The following KCNQ1 variants were observed in gnomAD, a reference collection of about 807,000 sequenced individuals.
KCNQ1 encodes the protein potassium voltage-gated channel subfamily KQT member 1.
KCNQ1 carries 49 observed loss-of-function variants against 72.4 expected under a neutral mutation model. The observed-to-expected ratio is 0.68, with a 90% CI of 0.54 to 0.86. KCNQ1 has a LOEUF of 0.86. Ranked by LOEUF, KCNQ1 falls within the 40% of genes least tolerant of loss-of-function variation. KCNQ1 has a pLI of 0.00. For missense variants in KCNQ1, 790 were observed against 945.1 expected, an observed-to-expected ratio of 0.84 and a Z score of 2.15; for synonymous variants, 450 against 412.6, an observed-to-expected ratio of 1.09 and a Z score of -1.10.
In KCNQ1 at chr11:2,817,693, C is replaced by T. The variant is rs562147549; in HGVS notation, c.1795-30074C>T. Among the ~76,000 whole-genome samples the T allele has an allele frequency of 6.6e-5, 10 of 152,234 alleles. No individual in the cohort carries two copies. The South Asian group carries it at 1.9e-3, about 28-fold the overall frequency. ...GGGGACTGTTAGCACAGACCTGAGC[C>T]GAGGCCCCCTTCTCACAGGGGCCTA... On this transcript the variant is annotated intron_variant, in intron 15 of 15. Transcript: ENST00000155840. The surrounding 1 kb of genome is among the most constrained non-coding windows in gnomAD (Gnocchi z 6.1).
chr11:2,454,224 G>A (rs965663000), intron 1 of KCNQ1, among the ~76,000 whole-genome samples: 1 of 152,114 alleles, frequency 6.6e-6, no homozygotes, highest in African/African-American at 2.4e-5. Context: ...AAGGGTGGCG[G>A]GGGGGGAGGT....
In KCNQ1 at chr11:2,659,943, C is replaced by T. The variant is rs1172230187; in HGVS notation, c.1394-2018C>T. On this transcript the variant is annotated intron_variant, in intron 10 of 15. Coordinates refer to ENST00000155840, the MANE Select transcript of KCNQ1 (RefSeq NM_000218.3). This position sits in a 1 kb window ranked among gnomAD's most constrained non-coding sequence, Gnocchi z 4.3. ...TCTTTATATATTCTGAGTGCAAGTC[C>T]TTGACCTGATAGGTGATATGCAAAT... 2.5e-6 allele frequency: 1 copy of T among 398,328 alleles called. No individual in the cohort carries two copies. Among genetic ancestry groups the T allele is most frequent in the Non-Finnish European group, 4.4e-6 (1 of 225,972 alleles). The allele number at this position is 398,328 out of a possible 1,614,324, so 24.7% of individuals were successfully genotyped here.
In KCNQ1 at chr11:2,473,580, T is replaced by A. The variant is rs1283319709; in HGVS notation, c.386+28096T>A. On this transcript the variant is annotated intron_variant, in intron 1 of 15. Transcript: ENST00000155840. This position sits in a 1 kb window ranked among gnomAD's most constrained non-coding sequence, Gnocchi z 6.0. Reference sequence around the variant, plus strand: ...TCAGCATGGCACAGACGCTCAGCCGTGTCATGTGGCTTGTAGAGCGAGGGT... The same window carrying A: ...TCAGCATGGCACAGACGCTCAGCCGAGTCATGTGGCTTGTAGAGCGAGGGT... Among the ~76,000 whole-genome samples, 1 of 152,190 alleles carries A rather than the reference T, an allele frequency of 6.6e-6. No individual in the cohort carries two copies. Among genetic ancestry groups the A allele is most frequent in the Non-Finnish European group, 1.5e-5 (1 of 68,024 alleles).
Position 2,810,896 on chromosome 11 carries a change from C to T in KCNQ1, c.1794+32859C>T, listed in dbSNP as rs535005768. ...GCAGCCGGGAGTCCCACCTGTAGGA[C>T]GCTCTGCTGTGGCAGAGGGACAGGA... On this transcript the variant is annotated intron_variant, in intron 15 of 15. Coordinates refer to ENST00000155840, the MANE Select transcript of KCNQ1 (RefSeq NM_000218.3). 2.5e-3 allele frequency among the ~76,000 whole-genome samples: 375 copies of T among 152,310 alleles called. 1 individual carries two copies. The highest frequency in any genetic ancestry group is 8.5e-3 in the African/African-American group (355 of 41,566).
chr11:2,715,470 C>T lies in KCNQ1; in HGVS notation c.1515-53374C>T, dbSNP rs565624365. Among the ~76,000 whole-genome samples, 386 of 152,150 alleles carry T rather than the reference C, an allele frequency of 2.5e-3. No individual in the cohort carries two copies. Among genetic ancestry groups the T allele is most frequent in the African/African-American group, 8.6e-3 (355 of 41,510 alleles). On this transcript the variant is annotated intron_variant, in intron 11 of 15. Coordinates refer to ENST00000155840, the MANE Select transcript of KCNQ1 (RefSeq NM_000218.3). The surrounding 1 kb of genome is among the most constrained non-coding windows in gnomAD (Gnocchi z 4.9). ...AGGGAGGACCCCCTGCAGCCTGGCTCAGGCAGGGGCATGTGTGAAGGCCCA... is the reference window on the plus strand; with the variant it reads ...AGGGAGGACCCCCTGCAGCCTGGCTTAGGCAGGGGCATGTGTGAAGGCCCA...
At chr11:2,780,310 G>A (rs1192451968) in intron 15 of KCNQ1, among the ~76,000 whole-genome samples, 1 of 152,208 alleles carries the variant, frequency 6.6e-6, no homozygotes, top group African/African-American at 2.4e-5. Context: ...AGCCTGGCTC[G>A]AGTTTTCTCC....
At chr11:2,596,631 C>A (rs1187352057) in intron 10 of KCNQ1, among the ~76,000 whole-genome samples, 1 of 150,790 alleles carries the variant, frequency 6.6e-6, no homozygotes, top group Non-Finnish European at 1.5e-5. Context: ...ATGTAAAAAT[C>A]TAGAAAATGA....
chr11:2,652,956 G>T lies in KCNQ1; in HGVS notation c.1394-9005G>T, dbSNP rs1301450921. ...CAGCATCCTCCCTGGGACTTCTCAG[G>T]ATTCCGGAAGTCATCTTTGACTGTG... is the stretch of plus-strand genomic sequence containing the variant. On this transcript the variant is annotated intron_variant, in intron 10 of 15. Coordinates refer to ENST00000155840, the MANE Select transcript of KCNQ1 (RefSeq NM_000218.3). The surrounding 1 kb of genome is among the most constrained non-coding windows in gnomAD (Gnocchi z 5.9). 1 of 398,672 alleles carries T rather than the reference G, an allele frequency of 2.5e-6. No individual in the cohort carries two copies. The highest frequency in any genetic ancestry group is 4.4e-5 in the Admixed American group (1 of 22,744). 24.7% of individuals were successfully genotyped at this position (398,672 alleles called of 1,614,324 possible). A position where few individuals can be genotyped will look rare whatever the true frequency, so the allele number is the denominator to read the frequency against.
intron 10 of KCNQ1, among the ~76,000 whole-genome samples, chr11:2,607,890 C>A (rs185389059): frequency 2.6e-5 from 4 of 152,120 alleles, no homozygotes; most frequent in African/African-American, 7.2e-5. Flanking sequence ...GAGGGTTTTA[C>A]ATCATTTTCA....
At position 2,661,927 on chromosome 11, in the gene KCNQ1, G is replaced by C; in HGVS notation, c.1394-34G>C. On this transcript the variant is annotated intron_variant, in intron 10 of 15. Coordinates refer to ENST00000155840, the MANE Select transcript of KCNQ1 (RefSeq NM_000218.3). This position sits in a 1 kb window ranked among gnomAD's most constrained non-coding sequence, Gnocchi z 5.9. ...CACAGCACTGGCAGGTTGGGTGGGA[G>C]GCCTAACGTGCTGTCCCCACACTTT... The C allele has an allele frequency of 6.2e-7, 1 of 1,614,008 alleles. No homozygotes were observed. The highest frequency in any genetic ancestry group is 8.5e-7 in the Non-Finnish European group (1 of 1,180,008).
chr11:2,648,852 C>T (rs1266425448), intron 10 of KCNQ1: 2 of 398,230 alleles, frequency 5.0e-6, no homozygotes, highest in African/African-American at 2.1e-5. Flanking sequence ...CTCTTTAGCA[C>T]TAATAATATT....
chr11:2,535,846 C>A (rs1395937348), intron 2 of KCNQ1, among the ~76,000 whole-genome samples: 1 of 152,196 alleles, frequency 6.6e-6, no homozygotes, highest in Non-Finnish European at 1.5e-5. Context: ...AGGAGAGGAA[C>A]CCCGGCGCTG....
intron 11 of KCNQ1, chr11:2,681,349 G>A (rs1047259976): frequency 5.0e-6 from 2 of 398,254 alleles, no homozygotes; most frequent in Non-Finnish European, 8.8e-6. Flanking sequence ...TTTCCTTGTA[G>A]CTCCCTGCTC....
chr11:2,848,993 G>C lies in KCNQ1; in HGVS notation c.*990G>C. On this transcript the variant is annotated 3_prime_UTR_variant, in exon 16 of 16. Coordinates refer to ENST00000155840, the MANE Select transcript of KCNQ1 (RefSeq NM_000218.3). Reference sequence around the variant, plus strand: ...TCCTAATAAACGTGGAGAATCACAGGCTGGGCTGGGCACTGCTCTCACCTT... The same window carrying C: ...TCCTAATAAACGTGGAGAATCACAGCCTGGGCTGGGCACTGCTCTCACCTT... 1 of 454,166 alleles carries C rather than the reference G, an allele frequency of 2.2e-6. No homozygotes were observed. Among genetic ancestry groups the C allele is most frequent in the South Asian group, 1.6e-5 (1 of 64,480 alleles). The allele number at this position is 454,166 out of a possible 1,614,324, so 28.1% of individuals were successfully genotyped here. A position where few individuals can be genotyped will look rare whatever the true frequency, so the allele number is the denominator to read the frequency against.
intron 10 of KCNQ1, chr11:2,614,643 C>T (rs1209974035): frequency 2.5e-6 from 1 of 398,438 alleles, no homozygotes; most frequent in Non-Finnish European, 4.4e-6. Flanking sequence ...CTACTCTTCC[C>T]ACTGAATTCT....
chr11:2,694,775 C>A (rs1332934676), intron 11 of KCNQ1: 1 of 398,118 alleles, frequency 2.5e-6, no homozygotes, highest in East Asian at 3.6e-5. Flanking sequence ...GTAGCCTGTG[C>A]TTTGCAGAGA....
chr11:2,613,763 G>C lies in KCNQ1; in HGVS notation c.1393+24909G>C. On this transcript the variant is annotated intron_variant, in intron 10 of 15. Coordinates refer to ENST00000155840, the MANE Select transcript of KCNQ1 (RefSeq NM_000218.3). The surrounding 1 kb of genome is among the most constrained non-coding windows in gnomAD (Gnocchi z 4.8). ...AATACTAAACAAAAGGAGCTACTGA[G>C]AGAAATCTTCCTCTCACCCATATCT... 7.5e-6 allele frequency: 3 copies of C among 398,400 alleles called. No homozygotes were observed. Among genetic ancestry groups the C allele is most frequent in the Non-Finnish European group, 1.3e-5 (3 of 226,008 alleles). 24.7% of individuals were successfully genotyped at this position (398,400 alleles called of 1,614,324 possible).
In KCNQ1 at chr11:2,654,701, G is replaced by T. The variant is rs1010227320; in HGVS notation, c.1394-7260G>T. 1 of 398,782 alleles carries T rather than the reference G, an allele frequency of 2.5e-6. No individual in the cohort carries two copies. The allele number at this position is 398,782 out of a possible 1,614,324, so 24.7% of individuals were successfully genotyped here. A position where few individuals can be genotyped will look rare whatever the true frequency, so the allele number is the denominator to read the frequency against. ...GAGCTTTGAGCTTTGTCATAGGCTGGACTTGGGGCTTGAATGCTGACCTAA... is the reference window on the plus strand; with the variant it reads ...GAGCTTTGAGCTTTGTCATAGGCTGTACTTGGGGCTTGAATGCTGACCTAA... On this transcript the variant is annotated intron_variant, in intron 10 of 15. Transcript: ENST00000155840. The surrounding 1 kb of genome is among the most constrained non-coding windows in gnomAD (Gnocchi z 6.4).
At chr11:2,584,532 TG>T (rs765638982) in intron 7 of KCNQ1, among the ~76,000 whole-genome samples, 4 of 148,452 alleles carry the variant, frequency 2.7e-5, no homozygotes, top group Admixed American at 1.3e-4. Flanking sequence ...TTAGTGTGTG[TG>T]TTAGTATGTG....
Sources: allele counts gnomAD v4.1 joint callset (sites outside exome capture counted in the v4.1 genomes callset), GRCh38; gene constraint gnomAD v4.1.1; non-coding constraint Gnocchi (gnomAD v3.1); transcripts MANE v1.5; gene names NCBI Gene and HGNC (gene_info 2026-07-23, HGNC 2026-07-21).